PHKA1: variants seen among roughly 807,000 people sequenced by gnomAD.
PHKA1 encodes phosphorylase kinase regulatory subunit alpha 1.
In PHKA1, 60 loss-of-function variants were observed where a neutral mutation model predicts 110.2. That is an observed-to-expected ratio of 0.54 (90% CI 0.44 to 0.68). The LOEUF (loss-of-function observed/expected upper bound fraction) is 0.68, where lower values mean the gene tolerates loss of function less well. Ranked by LOEUF, PHKA1 falls within the 30% of genes least tolerant of loss-of-function variation. PHKA1 has a pLI of 0.00. For missense variants in PHKA1, 801 were observed against 942.5 expected, an observed-to-expected ratio of 0.85 and a Z score of 1.97; for synonymous variants, 316 against 333.6, an observed-to-expected ratio of 0.95 and a Z score of 0.58.
chrX:72,603,024 G>C, intron 26 of PHKA1, 95 bp downstream of exon 26: 1 of 582,348 alleles, frequency 1.7e-6, no homozygotes, highest in Non-Finnish European at 2.9e-6. Context: ...TTTATTTGGG[G>C]AAAAAGGTTT....
chrX:72,691,290 G>C (rs1167498243), intron 4 of PHKA1, among the ~76,000 whole-genome samples: 1 of 112,390 alleles, frequency 8.9e-6, no homozygotes, highest in Non-Finnish European at 1.9e-5. Flanking sequence ...GCCAGTACCT[G>C]TACTGTTTTA....
At chrX:72,592,426 A>G (rs1323440325) in intron 29 of PHKA1, among the ~76,000 whole-genome samples, 1 of 112,763 alleles carries the variant, frequency 8.9e-6, no homozygotes, top group Non-Finnish European at 1.9e-5. Flanking sequence ...CTAAGAGACT[A>G]TGAATGAGAC....
chrX:72,695,949 CT>C, intron 3 of PHKA1, 73 bp from the exon 4 acceptor site: 1 of 816,168 alleles, frequency 1.2e-6, no homozygotes, highest in Non-Finnish European at 1.9e-6. Context: ...CTGTAATACT[CT>C]AACATACATT....
intron 29 of PHKA1, among the ~76,000 whole-genome samples, chrX:72,590,166 A>T (rs1037184266): frequency 3.6e-5 from 4 of 111,593 alleles, no homozygotes; most frequent in East Asian, 5.6e-4. Flanking sequence ...GCTACCTGAC[A>T]TCAAACTATA....
chrX:72,586,781 G>A lies in PHKA1; in HGVS notation c.3244-2479C>T, dbSNP rs145747052. 3.3e-4 allele frequency among the ~76,000 whole-genome samples: 36 copies of A among 110,063 alleles called. 1 individual carries two copies. In the East Asian group the frequency reaches 8.1e-3, roughly 25 times the overall value. ...AACCACGGCACAAGAACTACGTGAC[G>A]CACGCACAAGCTTCAGTAACCAACT... On this transcript the variant is annotated intron_variant, in intron 29 of 31. Transcript: ENST00000373542.
In PHKA1 at chrX:72,713,932, C is replaced by A; in HGVS notation, c.-52G>T. 2 of 916,890 alleles carry A rather than the reference C, an allele frequency of 2.2e-6. No individual in the cohort carries two copies. The highest frequency in any genetic ancestry group is 3.2e-6 in the Non-Finnish European group (2 of 633,309). The allele number at this position is 916,890 out of a possible 1,213,427, so 75.6% of individuals were successfully genotyped here. On this transcript the variant is annotated 5_prime_UTR_variant, in exon 1 of 32. Coordinates refer to ENST00000373542, the MANE Select transcript of PHKA1 (RefSeq NM_002637.4). ...AGAAATAGCCCGGGTGCCACCGGAG[C>A]CTTCGGTCCCTAAGGAACAAGTATC... is the stretch of plus-strand genomic sequence containing the variant.
rs1556290975 is a variant in PHKA1 at position 72,635,269 on chromosome X, G to C, written c.1600C>G (p.Leu534Val). The change falls in exon 16 of 32, where the codon CTG (leucine) becomes GTG (valine). Residue 534 changes from leucine (L) to valine (V), a missense_variant. Coordinates refer to ENST00000373542, the MANE Select transcript of PHKA1 (RefSeq NM_002637.4). ...FIDQQQFYLA[L>V]DNKMIVEMLR... ...ATTTCCACTATCATCTTGTTGTCCA[G>C]AGCCAGGTAGAACTGTTGCTGGTCT... 8.3e-7 allele frequency: 1 copy of C among 1,208,029 alleles called. No individual in the cohort carries two copies. Among genetic ancestry groups the C allele is most frequent in the African/African-American group, 1.8e-5 (1 of 57,069 alleles).
intron 13 of PHKA1, among the ~76,000 whole-genome samples, chrX:72,648,162 A>G (rs1261314533): frequency 1.8e-5 from 2 of 112,109 alleles, no homozygotes; most frequent in African/African-American, 6.5e-5. Context: ...TAAACAAAAT[A>G]GAACCAACAG....
intron 19 of PHKA1, among the ~76,000 whole-genome samples, chrX:72,619,949 A>G (rs1291628788): frequency 8.9e-6 from 1 of 112,029 alleles, no homozygotes; most frequent in African/African-American, 3.2e-5. Flanking sequence ...CACAATTGAG[A>G]AGTATAACAA....
intron 2 of PHKA1, chrX:72,712,421 A>G: frequency 4.3e-6 from 1 of 234,919 alleles, no homozygotes; most frequent in East Asian, 9.8e-5. Context: ...AAAATAGTAG[A>G]TACCTGCTCC....
intron 17 of PHKA1, among the ~76,000 whole-genome samples, chrX:72,624,426 C>T (rs1189711102): frequency 9.0e-6 from 1 of 111,238 alleles, no homozygotes; most frequent in African/African-American, 3.3e-5. Flanking sequence ...TTTGACTAGC[C>T]TCACTGATCC....
intron 3 of PHKA1, among the ~76,000 whole-genome samples, chrX:72,702,378 A>G (rs935971808): frequency 9.2e-6 from 1 of 108,160 alleles, no homozygotes; most frequent in Non-Finnish European, 1.9e-5. Flanking sequence ...TGAACCCGGG[A>G]GGCGGAGGTT....
chrX:72,689,759 ATC>A (rs1398725014), intron 4 of PHKA1, among the ~76,000 whole-genome samples: 4 of 111,462 alleles, frequency 3.6e-5, no homozygotes, highest in Non-Finnish European at 5.6e-5. Context: ...ATCATATGGT[ATC>A]TCTTTTTTAA....
At chrX:72,673,995 C>G (rs1468154210) in intron 6 of PHKA1, among the ~76,000 whole-genome samples, 3 of 91,217 alleles carry the variant, frequency 3.3e-5, no homozygotes, top group Non-Finnish European at 6.4e-5. Context: ...GTGATGTTCC[C>G]CCTTCCTGTG....
intron 22 of PHKA1, among the ~76,000 whole-genome samples, chrX:72,609,993 A>C (rs2052784397): frequency 9.0e-6 from 1 of 110,689 alleles, no homozygotes; most frequent in Non-Finnish European, 1.9e-5. Context: ...ATTTTTATGG[A>C]TAAATAAGAG....
chrX:72,619,992 G>A (rs1556275320), intron 19 of PHKA1, among the ~76,000 whole-genome samples: 1 of 111,769 alleles, frequency 8.9e-6, no homozygotes, highest in African/African-American at 3.3e-5. Context: ...GCCCTTTCTC[G>A]AGGAAGCATA....
intron 10 of PHKA1, among the ~76,000 whole-genome samples, chrX:72,654,786 A>G (rs1226060209): frequency 2.8e-5 from 3 of 108,310 alleles, no homozygotes; most frequent in Non-Finnish European, 5.7e-5. Flanking sequence ...TTAAATATGC[A>G]TAGCATGGTG....
chrX:72,672,328 C>T (rs1007063401), intron 6 of PHKA1, among the ~76,000 whole-genome samples: 32 of 111,814 alleles, frequency 2.9e-4, no homozygotes, highest in Non-Finnish European at 5.1e-4. Context: ...GCCTTGGGGT[C>T]TTTCCTCCAT....
At chrX:72,658,426 T>C in intron 8 of PHKA1, among the ~76,000 whole-genome samples, 1 of 97,832 alleles carries the variant, frequency 1.0e-5, no homozygotes, top group Non-Finnish European at 2.0e-5. Context: ...GCCACTGCAC[T>C]CCAGCCTGGG....
Sources: allele counts gnomAD v4.1 joint callset (sites outside exome capture counted in the v4.1 genomes callset), GRCh38; gene constraint gnomAD v4.1.1; transcripts MANE v1.5; gene names NCBI Gene and HGNC (gene_info 2026-07-23, HGNC 2026-07-21).